LRCH1: variants seen among roughly 807,000 people sequenced by gnomAD.
The protein encoded by LRCH1 is leucine-rich repeat and calponin homology domain-containing protein 1.
A neutral mutation model predicts 94.9 loss-of-function variants in LRCH1; 23 were observed. The observed-to-expected ratio is 0.24, with a 90% confidence interval of 0.17 to 0.34. LRCH1 has a LOEUF of 0.34. Among genes scored for constraint, LRCH1 ranks in the 10% least tolerant of loss-of-function variants. LRCH1 has a pLI of 1.00. For synonymous variants in LRCH1, 364 were observed against 354.9 expected (o/e 1.03, Z -0.29); for missense variants, 790 against 945.9 (o/e 0.84, Z 2.16).
At chr13:46,709,711 A>G (rs1871959177) in intron 13 of LRCH1, among the ~76,000 whole-genome samples, 1 of 152,090 alleles carries the variant, frequency 6.6e-6, no homozygotes, top group Non-Finnish European at 1.5e-5. Context: ...TTATTTTAAC[A>G]TAAGGTTGAT....
At chr13:46,706,881 A>G (rs1341166047) in intron 13 of LRCH1, among the ~76,000 whole-genome samples, 5 of 152,188 alleles carry the variant, frequency 3.3e-5, no homozygotes, top group Non-Finnish European at 7.3e-5. Context: ...CTCTCCATAC[A>G]CACAGTTCTT....
intron 1 of LRCH1, among the ~76,000 whole-genome samples, chr13:46,626,281 T>A (rs2050948489): frequency 6.6e-6 from 1 of 152,144 alleles, no homozygotes; most frequent in South Asian, 2.1e-4. Context: ...ATGGGTAGTG[T>A]CAGACCCCGA....
chr13:46,602,962 GCATA>G (rs1270271249), intron 1 of LRCH1, among the ~76,000 whole-genome samples: 4 of 120,046 alleles, frequency 3.3e-5, no homozygotes, highest in Non-Finnish European at 6.7e-5. Context: ...ATACATACAT[GCATA>G]CATACATGCA....
intron 1 of LRCH1, among the ~76,000 whole-genome samples, chr13:46,602,761 T>C (rs944611131): frequency 6.6e-6 from 1 of 152,150 alleles, no homozygotes; most frequent in Non-Finnish European, 1.5e-5. Flanking sequence ...GAGACTAGAT[T>C]GGGCAACATG....
chr13:46,565,663 T>C (rs1417151852), intron 1 of LRCH1, among the ~76,000 whole-genome samples: 1 of 151,386 alleles, frequency 6.6e-6, no homozygotes, highest in East Asian at 1.9e-4. Flanking sequence ...ATACAAAAAT[T>C]AGCTGGGTGT....
intron 1 of LRCH1, among the ~76,000 whole-genome samples, chr13:46,625,364 C>T (rs1015799878): frequency 6.4e-4 from 98 of 152,334 alleles, no homozygotes; most frequent in Non-Finnish European, 5.0e-4. Context: ...ATGTTGAAAT[C>T]CTGGCCCCCA....
intron 3 of LRCH1, chr13:46,680,238 T>G (rs1652043571): frequency 6.6e-6 from 1 of 152,150 alleles, no homozygotes; most frequent in Non-Finnish European, 1.5e-5. Context: ...GCCACAGTAT[T>G]ATGGAGTGTC....
intron 1 of LRCH1, among the ~76,000 whole-genome samples, chr13:46,625,402 T>C (rs1034731503): frequency 2.6e-5 from 4 of 152,136 alleles, no homozygotes; most frequent in Non-Finnish European, 5.9e-5. Context: ...GATGGGGCCT[T>C]TGGGAGGTGA....
At chr13:46,670,449 C>T (rs563728827) in intron 3 of LRCH1, among the ~76,000 whole-genome samples, 156 of 152,296 alleles carry the variant, frequency 1.0e-3, no homozygotes, top group African/African-American at 3.5e-3. Flanking sequence ...AAATGTTCTC[C>T]CAGGTAAAGC....
rs183135370 is a variant in LRCH1, at chr13:46,687,761, G to A, written c.823-91G>A. 1,519 of 1,082,664 alleles carry A rather than the reference G, an allele frequency of 1.4e-3. 4 individuals are homozygous for A. Among genetic ancestry groups the A allele is most frequent in the Non-Finnish European group, 1.4e-3 (1,100 of 763,344 alleles). 67.1% of individuals were successfully genotyped at this position (1,082,664 alleles called of 1,614,324 possible). ...TAGGGTGTTACTTAAAATGAAACTGGGAAAATTGAAATATACAGAGTAAGG... is the reference window on the plus strand; with the variant it reads ...TAGGGTGTTACTTAAAATGAAACTGAGAAAATTGAAATATACAGAGTAAGG... On this transcript the variant is annotated intron_variant, in intron 5 of 19. Coordinates refer to ENST00000389797, the MANE Select transcript of LRCH1 (RefSeq NM_001164211.2).
intron 3 of LRCH1, among the ~76,000 whole-genome samples, chr13:46,675,607 T>C (rs532702674): frequency 2.0e-5 from 3 of 152,240 alleles, no homozygotes; most frequent in Admixed American, 6.5e-5. Flanking sequence ...AGATTGATTA[T>C]TGAGCAGCTG....
chr13:46,690,241 T>C (rs1187337316), intron 7 of LRCH1, among the ~76,000 whole-genome samples: 1 of 152,112 alleles, frequency 6.6e-6, no homozygotes, highest in East Asian at 1.9e-4. Context: ...GAAGAGTTAG[T>C]AGGCAGAGAA....
chr13:46,728,546 C>A (rs928320535), intron 17 of LRCH1, among the ~76,000 whole-genome samples: 1 of 152,214 alleles, frequency 6.6e-6, no homozygotes, highest in Non-Finnish European at 1.5e-5. Flanking sequence ...CCCTCTTCTG[C>A]CCCATGCAGA....
chr13:46,747,241 A>T (rs1478485519), downstream of LRCH1, among the ~76,000 whole-genome samples: 3 of 152,150 alleles, frequency 2.0e-5, no homozygotes, highest in Non-Finnish European at 4.4e-5. Context: ...GCTTGAAAAA[A>T]CAAGGGCCTG....
chr13:46,596,897 T>C (rs2050570479), intron 1 of LRCH1, among the ~76,000 whole-genome samples: 1 of 152,216 alleles, frequency 6.6e-6, no homozygotes, highest in Non-Finnish European at 1.5e-5. Flanking sequence ...TAGTGCTCTA[T>C]GTATGTAGCT....
chr13:46,670,654 T>TGCCCCC, intron 3 of LRCH1, among the ~76,000 whole-genome samples: 1 of 144,698 alleles, frequency 6.9e-6, no homozygotes, highest in South Asian at 2.2e-4. Context: ...ACACTGCCCA[T>TGCCCCC]CCCCCCCCAA....
intron 2 of LRCH1, among the ~76,000 whole-genome samples, chr13:46,657,495 C>CTTTTTTTTTTTTT (rs1429837361): frequency 2.4e-4 from 4 of 16,814 alleles, no homozygotes; most frequent in Non-Finnish European, 4.7e-4. Flanking sequence ...TTTTTCTTTT[C>CTTTTTTTTTTTTT]TTTTCTTTTT....
rs1459637694 is a variant in LRCH1, at chr13:46,705,071, A to C, written c.1404A>C (p.Leu468Phe). 2 of 1,546,388 alleles carry C rather than the reference A, an allele frequency of 1.3e-6. No individual in the cohort carries two copies. The highest frequency in any genetic ancestry group is 2.8e-5 in the African/African-American group (2 of 72,538). ...AVDLLQDPNG[L>F]STDITERSVL... ...ATCTTTTTTTCCTACTCTTTAGATT[A>C]AGCACAGATATTACAGAGAGAAGTG... Residue 468 changes from leucine (L) to phenylalanine (F), a missense_variant, in exon 12 of 20, where the codon TTA (leucine) becomes TTC (phenylalanine). This residue lies in a region of LRCH1 where 460 missense variants were observed against 508.9 expected (regional missense o/e 0.90). Transcript: ENST00000389797.
chr13:46,729,420 G>A (rs960200642), intron 18 of LRCH1, among the ~76,000 whole-genome samples: 7 of 151,730 alleles, frequency 4.6e-5, no homozygotes, highest in Non-Finnish European at 8.8e-5. Flanking sequence ...GGCTATGGTG[G>A]CACGCACCTG....
Sources: gnomAD v4.1 joint callset for allele counts (sites outside exome capture counted in the v4.1 genomes callset) on GRCh38, gnomAD v4.1.1 for gene constraint, gnomAD v4.1.1 regional missense constraint, MANE v1.5 for transcripts, NCBI Gene and HGNC (gene_info 2026-07-23, HGNC 2026-07-21) for gene names.